The following ENO4 variants were observed in gnomAD, a reference collection of about 807,000 sequenced individuals.
The protein encoded by ENO4 is 2-phospho-D-glycerate hydro-lyase.
A neutral mutation model predicts 63.2 loss-of-function variants in ENO4; 53 were observed. The observed-to-expected ratio is 0.84, with a 90% CI of 0.67 to 1.05. ENO4 has a LOEUF of 1.05. Among genes scored for constraint, ENO4 ranks in the 50% least tolerant of loss-of-function variants. ENO4 has a pLI of 0.00. For synonymous variants in ENO4, 266 were observed against 283.8 expected (o/e 0.94, Z 0.63); for missense variants, 719 against 772.0 (o/e 0.93, Z 0.81).
rs1330353308 is a variant in ENO4, at chr10:116,861,123, C to A, written c.869C>A (p.Ser290Ter). ...MVSLVSCGKS[S>*]SGKLNLMKEV... Reference sequence around the variant, plus strand: ...TCGCTGGTCAGCTGTGGGAAGTCATCATCTGGGAAGCTAAATTTAATGAAA... The same window carrying A: ...TCGCTGGTCAGCTGTGGGAAGTCATAATCTGGGAAGCTAAATTTAATGAAA... The change falls in exon 6 of 14, where the codon TCA (serine) becomes TAA (stop). Residue 290 changes from serine (S) to a stop codon, truncating the protein, a stop_gained. Transcript: ENST00000341276. LOFTEE classifies it high-confidence loss of function. 5.8e-6 allele frequency: 9 copies of A among 1,547,924 alleles called. No homozygotes were observed. Among genetic ancestry groups the A allele is most frequent in the Middle Eastern group, 1.7e-4 (1 of 5,984 alleles).
Position 116,858,984 on chromosome 10 carries a change from A to C in ENO4, c.486-6A>C, listed in dbSNP as rs370552301. 3.3e-5 allele frequency: 50 copies of C among 1,526,934 alleles called. No homozygotes were observed. The East Asian group carries it at 6.4e-4, about 19-fold the overall frequency. 94.6% of individuals were successfully genotyped at this position (1,526,934 alleles called of 1,614,324 possible). On this transcript the variant is annotated splice_region_variant and splice_polypyrimidine_tract_variant and intron_variant, in intron 3 of 13. Transcript: ENST00000341276. ...CACTGTAAAGCCATATTTTCTTGCT[A>C]TTAAGGATATTCTTCGCAAGTAAAG...
At chr10:116,898,153 C>A (rs528526886) in intron 10 of ENO4, among the ~76,000 whole-genome samples, 19 of 152,100 alleles carry the variant, frequency 1.2e-4, no homozygotes, top group Non-Finnish European at 2.4e-4. Flanking sequence ...CATAGTGAAA[C>A]CGCGTCTCTA....
intron 11 of ENO4, among the ~76,000 whole-genome samples, chr10:116,877,714 G>C (rs2133279779): frequency 6.6e-6 from 1 of 152,288 alleles, no homozygotes; most frequent in Middle Eastern, 3.4e-3. Flanking sequence ...GAAAAGCGGG[G>C]CTCCAGTGCT....
At chr10:116,899,506 G>GGT (rs370396879) in intron 10 of ENO4, among the ~76,000 whole-genome samples, 27,528 of 124,376 alleles carry the variant, frequency 0.22, 2,727 homozygotes, top group Admixed American at 0.28. Flanking sequence ...GGCTGGGGCT[G>GGT]GTGTGTGTGT....
chr10:116,862,460 CA>C (rs11197837), intron 6 of ENO4, among the ~76,000 whole-genome samples: 7,205 of 143,338 alleles, frequency 0.05, 507 homozygotes, highest in African/African-American at 0.16. Context: ...AACTCCATCT[CA>C]AAAAAAAAAA....
At chr10:116,890,169 T>C (rs1252225376) in intron 10 of ENO4, among the ~76,000 whole-genome samples, 1 of 48 alleles carries the variant, frequency 0.021, no homozygotes, top group African/African-American at 0.036. Flanking sequence ...TGTTCAATTT[T>C]TTTTTCTACT....
chr10:116,855,025 G>A (rs187573408), intron 1 of ENO4, among the ~76,000 whole-genome samples: 3 of 147,872 alleles, frequency 2.0e-5, no homozygotes, highest in East Asian at 4.2e-4. Context: ...CTATAAGAAC[G>A]CCTGCTAGCC....
At chr10:116,878,820 T>C (rs539424270) in intron 11 of ENO4, among the ~76,000 whole-genome samples, 44 of 145,876 alleles carry the variant, frequency 3.0e-4, no homozygotes, top group Admixed American at 2.0e-3. Context: ...CTCAGCTCAC[T>C]GCAAGCTCTG....
rs1203786806 is a variant in ENO4 at position 116,862,830 on chromosome 10, A to G, written c.968A>G (p.His323Arg). ...GVEMLMEMQK[H>R]INKIIEMPSP... ...GAGATGCTTATGGAAATGCAGAAAC[A>G]TATCAACAAAATAATTGAAATGGTA... Residue 323 changes from histidine to arginine, a missense_variant, in exon 7 of 14, where the codon CAT becomes CGT. By Grantham distance (29) the His-to-Arg change is conservative. Around this residue, in one of 3 missense-constraint regions of ENO4, gnomAD observed 544 missense variants for 583.6 expected, o/e 0.93. Coordinates refer to ENST00000341276, the MANE Select transcript of ENO4 (RefSeq NM_001242699.2). The G allele has an allele frequency of 1.9e-6, 3 of 1,549,356 alleles. No individual in the cohort carries two copies. Among genetic ancestry groups the G allele is most frequent in the East Asian group, 4.9e-5 (2 of 40,904 alleles).
chr10:116,905,307 A>G (rs1245732645), intron 10 of ENO4, among the ~76,000 whole-genome samples: 1 of 152,184 alleles, frequency 6.6e-6, no homozygotes, highest in African/African-American at 2.4e-5. Context: ...CACAAAATGA[A>G]TAACGATTAT....
At chr10:116,877,161 G>C (rs1846861763) in intron 11 of ENO4, among the ~76,000 whole-genome samples, 1 of 151,926 alleles carries the variant, frequency 6.6e-6, no homozygotes, top group African/African-American at 2.4e-5. Flanking sequence ...CACAGCCAAG[G>C]AACAGCAGGG....
chr10:116,865,771 C>T (rs772779474), intron 7 of ENO4, among the ~76,000 whole-genome samples: 1 of 152,178 alleles, frequency 6.6e-6, no homozygotes, highest in South Asian at 2.1e-4. Context: ...GCGGCCCCCA[C>T]AGTGGGGTGA....
At chr10:116,864,677 A>T (rs1019923972) in intron 7 of ENO4, among the ~76,000 whole-genome samples, 20 of 152,134 alleles carry the variant, frequency 1.3e-4, no homozygotes, top group African/African-American at 4.8e-4. Flanking sequence ...CTCTAAAGGT[A>T]ACTGCCGTTA....
rs138090001 is a variant in ENO4 at position 116,862,250 on chromosome 10, G to A, written c.937-549G>A. ...AGGCCAAGATGGGAGGATGGCCTGA[G>A]GTCAGGAGTTCGAGACCAGCCTGGC... On this transcript the variant is annotated intron_variant, in intron 6 of 13. Coordinates refer to ENST00000341276, the MANE Select transcript of ENO4 (RefSeq NM_001242699.2). 6.2e-3 allele frequency among the ~76,000 whole-genome samples: 948 copies of A among 152,140 alleles called. 15 individuals carry two copies. Among genetic ancestry groups the A allele is most frequent in the African/African-American group, 0.021 (864 of 41,500 alleles).
At chr10:116,911,859 G>T (rs1392967393), downstream of ENO4, 3 of 1,599,008 alleles carry the variant, frequency 1.9e-6, no homozygotes, top group Non-Finnish European at 2.6e-6. Context: ...ATTTTAATAA[G>T]AAAGAAAAAT....
intron 6 of ENO4, 138 bp from the exon 7 acceptor site, chr10:116,862,661 C>G: frequency 1.6e-6 from 1 of 620,152 alleles, no homozygotes; most frequent in Non-Finnish European, 2.8e-6. Flanking sequence ...ATTTAATCTA[C>G]TGATTTTGTA....
At chr10:116,896,802 T>C (rs1429197403) in intron 10 of ENO4, among the ~76,000 whole-genome samples, 2 of 122,868 alleles carry the variant, frequency 1.6e-5, no homozygotes, top group African/African-American at 7.8e-5. Flanking sequence ...GATCAGGTAC[T>C]TTTTTTTTTT....
At position 116,881,714 on chromosome 10, in the gene ENO4, G is replaced by T; in HGVS notation, c.*45G>T. ...TCCAGCCACACCATCAGTATTAGTA[G>T]ACCGGGAGGTCTGAAGTACGGCGCC... On this transcript the variant is annotated 3_prime_UTR_variant, in exon 14 of 14. Transcript: ENST00000341276. 7.3e-7 allele frequency: 1 copy of T among 1,368,978 alleles called. No individual in the cohort carries two copies. The highest frequency in any genetic ancestry group is 1.9e-5 in the South Asian group (1 of 51,914). 84.8% of individuals were successfully genotyped at this position (1,368,978 alleles called of 1,614,324 possible). A position where few individuals can be genotyped will look rare whatever the true frequency, so the allele number is the denominator to read the frequency against.
At chr10:116,874,277 T>G (rs1288182231) in intron 10 of ENO4, 76 bp downstream of exon 10, 1 of 1,124,210 alleles carries the variant, frequency 8.9e-7, no homozygotes, top group Non-Finnish European at 1.2e-6. Context: ...TTTTATATTT[T>G]ATAACTCACC....
Sources: gnomAD v4.1 joint callset for allele counts (sites outside exome capture counted in the v4.1 genomes callset) on GRCh38, gnomAD v4.1.1 for gene constraint, gnomAD v4.1.1 regional missense constraint, MANE v1.5 for transcripts, NCBI Gene and HGNC (gene_info 2026-07-23, HGNC 2026-07-21) for gene names.